The following TTC6 variants were observed in gnomAD, a reference collection of about 807,000 sequenced individuals.
TTC6 encodes the protein tetratricopeptide repeat domain 6.
In TTC6, 172 loss-of-function variants were observed where a neutral mutation model predicts 210.4. The ratio of observed to expected loss-of-function variants is 0.82; its 90% CI spans 0.72 to 0.93. The LOEUF is 0.93. Among genes scored for constraint, TTC6 ranks in the 40% least tolerant of loss-of-function variants. The pLI is 0.00. For missense variants in TTC6, 2,414 were observed against 2,318.1 expected, an observed-to-expected ratio of 1.04 and a Z score of -0.85; for synonymous variants, 804 against 819.6, an observed-to-expected ratio of 0.98 and a Z score of 0.32.
At chr14:37,730,514 G>A (rs1367795673) in intron 7 of TTC6, among the ~76,000 whole-genome samples, 1 of 152,126 alleles carries the variant, frequency 6.6e-6, no homozygotes, top group Non-Finnish European at 1.5e-5. Context: ...TGTTCACTCT[G>A]TGCATCAATA....
At chr14:37,696,600 A>G in intron 3 of TTC6, 117 bp from the exon 6 acceptor site, 1 of 438,798 alleles carries the variant, frequency 2.3e-6, no homozygotes, top group East Asian at 3.6e-5. Flanking sequence ...GCATTCTGTT[A>G]TAACATATAC....
chr14:37,692,224 A>AAAAAAAAAAAAAAAAAAAAAAAAAAG (rs2095805029), intron 3 of TTC6, among the ~76,000 whole-genome samples: 1 of 143,066 alleles, frequency 7.0e-6, no homozygotes, highest in Non-Finnish European at 1.6e-5. Context: ...AAAAAAAAAA[A>AAAAAAAAAAAAAAAAAAAAAAAAAAG]AAAAAAAAGA....
At chr14:37,664,842 T>C (rs1445555927) in intron 1 of TTC6, among the ~76,000 whole-genome samples, 7 of 150,470 alleles carry the variant, frequency 4.7e-5, no homozygotes, top group Non-Finnish European at 1.0e-4. Flanking sequence ...GTAAAGGACA[T>C]GAGCAGACAT....
At chr14:37,622,161 T>C in exon 1 of TTC6, 1 of 1,535,270 alleles carries the variant, frequency 6.5e-7, no homozygotes, top group Non-Finnish European at 8.7e-7. Flanking sequence ...TAAAAAGGAT[T>C]TTCTCCGATT....
chr14:37,727,578 C>T (rs1049480437), intron 7 of TTC6, among the ~76,000 whole-genome samples: 5 of 151,990 alleles, frequency 3.3e-5, no homozygotes, highest in Admixed American at 2.0e-4. Context: ...CAGGTGTGAG[C>T]CACCACGCCC....
intron 2 of TTC6, among the ~76,000 whole-genome samples, chr14:37,616,650 T>C (rs4898663): frequency 0.11 from 17,239 of 150,382 alleles, 1,137 homozygotes; most frequent in East Asian, 0.26. Flanking sequence ...TGAGCGAAGA[T>C]CGCGCCACTG....
At chr14:37,615,171 T>C (rs947646739) in intron 2 of TTC6, among the ~76,000 whole-genome samples, 1 of 152,242 alleles carries the variant, frequency 6.6e-6, no homozygotes, top group Non-Finnish European at 1.5e-5. Context: ...CAATAATGTG[T>C]TGTTTCTCTC....
intron 27 of TTC6, among the ~76,000 whole-genome samples, chr14:37,825,725 A>T (rs147437317): frequency 1.3e-5 from 2 of 152,158 alleles, no homozygotes; most frequent in African/African-American, 4.8e-5. Flanking sequence ...GATTTATCAG[A>T]ATATGTTTAC....
At chr14:37,679,349 C>A (rs1188005402) in intron 1 of TTC6, among the ~76,000 whole-genome samples, 3 of 152,128 alleles carry the variant, frequency 2.0e-5, no homozygotes, top group Non-Finnish European at 4.4e-5. Flanking sequence ...GAACCTGGGT[C>A]TCTTTATTCC....
intron 20 of TTC6, chr14:37,802,186 T>A (rs910461123): frequency 3.9e-5 from 6 of 151,928 alleles, no homozygotes; most frequent in African/African-American, 1.5e-4. Flanking sequence ...AGCTGAACAA[T>A]GAGAACACAT....
At chr14:37,754,889 G>T (rs1434147747) in intron 14 of TTC6, among the ~76,000 whole-genome samples, 2 of 152,164 alleles carry the variant, frequency 1.3e-5, no homozygotes, top group Non-Finnish European at 2.9e-5. Flanking sequence ...TGTCATTATA[G>T]TAGAATGATT....
intron 14 of TTC6, among the ~76,000 whole-genome samples, chr14:37,757,948 A>C (rs1213634993): frequency 6.6e-6 from 1 of 152,188 alleles, no homozygotes; most frequent in African/African-American, 2.4e-5. Flanking sequence ...CCCAGTAGTC[A>C]TTCAGGAGCT....
chr14:37,643,985 T>C (rs2095697087), intron 1 of TTC6, among the ~76,000 whole-genome samples: 1 of 152,228 alleles, frequency 6.6e-6, no homozygotes, highest in African/African-American at 2.4e-5. Context: ...GACTGTTCTG[T>C]TGCTCTTTAG....
chr14:37,810,317 G>C (rs920057331), intron 24 of TTC6, among the ~76,000 whole-genome samples: 2 of 152,164 alleles, frequency 1.3e-5, no homozygotes, highest in African/African-American at 4.8e-5. Context: ...TGGGCTGGGC[G>C]AGGAGGGAAC....
chr14:37,810,010 C>A (rs147906548), intron 24 of TTC6, among the ~76,000 whole-genome samples: 1 of 152,170 alleles, frequency 6.6e-6, no homozygotes, highest in African/African-American at 2.4e-5. Context: ...TTCTGTGAAA[C>A]GTGGACAGTG....
intron 14 of TTC6, among the ~76,000 whole-genome samples, chr14:37,774,246 C>T (rs913397938): frequency 2.0e-5 from 3 of 151,944 alleles, no homozygotes; most frequent in African/African-American, 7.3e-5. Context: ...ATTTGGATTC[C>T]TACTTTTTTT....
At chr14:37,725,346 AT>A (rs2095870561) in intron 7 of TTC6, among the ~76,000 whole-genome samples, 3 of 120,402 alleles carry the variant, frequency 2.5e-5, no homozygotes, top group African/African-American at 9.5e-5. Context: ...ATATATATAT[AT>A]ATATATATAT....
At chr14:37,840,627 C>T (rs1178576020) in intron 29 of TTC6, among the ~76,000 whole-genome samples, 1 of 152,106 alleles carries the variant, frequency 6.6e-6, no homozygotes, top group Non-Finnish European at 1.5e-5. Flanking sequence ...GAATCCAGTA[C>T]ATCAAAAAAC....
chr14:37,642,452 T>C (rs1328215546), intron 1 of TTC6, among the ~76,000 whole-genome samples: 1 of 152,242 alleles, frequency 6.6e-6, no homozygotes, highest in Non-Finnish European at 1.5e-5. Flanking sequence ...CTTAAGTTGC[T>C]GTTAATATGA....
Sources: allele counts gnomAD v4.1 joint callset (sites outside exome capture counted in the v4.1 genomes callset), GRCh38; gene constraint gnomAD v4.1.1; transcripts MANE v1.5; gene names NCBI Gene and HGNC (gene_info 2026-07-23, HGNC 2026-07-21).